Variants in PEBP4 observed in about 807,000 individuals in gnomAD.
PEBP4 encodes phosphatidylethanolamine binding protein 4.
In PEBP4, 22 loss-of-function variants were observed where a neutral mutation model predicts 23.9. That is an observed-to-expected ratio of 0.92 (90% CI 0.66 to 1.31). The LOEUF is 1.31. Among genes scored for constraint, PEBP4 ranks in the 40% most tolerant of loss-of-function variants. The pLI is 0.00. For missense variants in PEBP4, 324 were observed against 281.7 expected, an observed-to-expected ratio of 1.15 and a Z score of -1.07; for synonymous variants, 112 against 99.3, an observed-to-expected ratio of 1.13 and a Z score of -0.76.
At chr8:22,766,409 T>A (rs1215264302) in intron 4 of PEBP4, among the ~76,000 whole-genome samples, 6 of 152,226 alleles carry the variant, frequency 3.9e-5, no homozygotes, top group Non-Finnish European at 2.9e-5. Context: ...CTCTGTGCAC[T>A]GGCTTTCTCA....
chr8:22,763,265 A>G (rs976607690), intron 4 of PEBP4, among the ~76,000 whole-genome samples: 10 of 152,154 alleles, frequency 6.6e-5, no homozygotes, highest in African/African-American at 2.4e-4. Context: ...TCTGCCTCCC[A>G]AAGTGCTGGG....
At chr8:22,803,595 C>G (rs557863630) in intron 4 of PEBP4, among the ~76,000 whole-genome samples, 58 of 152,226 alleles carry the variant, frequency 3.8e-4, no homozygotes, top group Admixed American at 7.2e-4. Context: ...ACCCGGGAGG[C>G]AGGGGTTGCA....
chr8:22,905,051 G>A (rs924740030), intron 3 of PEBP4, among the ~76,000 whole-genome samples: 9 of 152,160 alleles, frequency 5.9e-5, no homozygotes, highest in African/African-American at 1.2e-4. Flanking sequence ...GACTTTGATA[G>A]GCATTATTGA....
At chr8:22,854,013 T>C (rs1563238047) in intron 3 of PEBP4, among the ~76,000 whole-genome samples, 1 of 152,138 alleles carries the variant, frequency 6.6e-6, no homozygotes, top group Non-Finnish European at 1.5e-5. Context: ...GAAATTCATA[T>C]AAGAGAAAAA....
intron 3 of PEBP4, among the ~76,000 whole-genome samples, chr8:22,851,836 G>C (rs118159051): frequency 6.6e-6 from 1 of 152,112 alleles, no homozygotes; most frequent in African/African-American, 2.4e-5. Flanking sequence ...ATTGAGTTAA[G>C]TGGAAAATGG....
At chr8:22,836,872 C>G (rs1287101202) in intron 3 of PEBP4, among the ~76,000 whole-genome samples, 1 of 151,216 alleles carries the variant, frequency 6.6e-6, no homozygotes, top group East Asian at 1.9e-4. Context: ...GAAGAGGAAA[C>G]TGATGGAAGA....
intron 4 of PEBP4, among the ~76,000 whole-genome samples, chr8:22,768,059 C>T (rs565107168): frequency 2.0e-5 from 3 of 152,134 alleles, no homozygotes; most frequent in Admixed American, 6.5e-5. Context: ...TGAAAAGTAC[C>T]TTGGAATTCC....
At chr8:22,774,435 G>T (rs749426566) in intron 4 of PEBP4, among the ~76,000 whole-genome samples, 25 of 152,208 alleles carry the variant, frequency 1.6e-4, no homozygotes, top group South Asian at 6.2e-4. Flanking sequence ...GATATTTTGT[G>T]GGGGAGAGGG....
chr8:22,843,027 C>G (rs750806240), intron 3 of PEBP4, among the ~76,000 whole-genome samples: 2 of 152,178 alleles, frequency 1.3e-5, no homozygotes, highest in Admixed American at 6.5e-5. Flanking sequence ...GGGGTTTCAC[C>G]ATGTTGGCCA....
intron 3 of PEBP4, among the ~76,000 whole-genome samples, chr8:22,919,263 C>G (rs1052113904): frequency 6.6e-6 from 1 of 152,170 alleles, no homozygotes; most frequent in African/African-American, 2.4e-5. Flanking sequence ...ACAGAAAGGA[C>G]CAGAAGGTCA....
intron 3 of PEBP4, among the ~76,000 whole-genome samples, chr8:22,855,798 T>C (rs772431951): frequency 6.6e-6 from 1 of 152,038 alleles, no homozygotes; most frequent in Non-Finnish European, 1.5e-5. Flanking sequence ...CCCAGCACTT[T>C]AGGAGGCCAA....
intron 3 of PEBP4, among the ~76,000 whole-genome samples, chr8:22,822,365 G>T (rs1335133943): frequency 6.6e-6 from 1 of 151,898 alleles, no homozygotes; most frequent in Non-Finnish European, 1.5e-5. Context: ...GTGTGTGTGT[G>T]TGTGTGTGTG....
chr8:22,874,155 G>T (rs1042689940), intron 3 of PEBP4, among the ~76,000 whole-genome samples: 1 of 152,134 alleles, frequency 6.6e-6, no homozygotes, highest in Admixed American at 6.5e-5. Flanking sequence ...GACTTGTGCA[G>T]CTCAAAAGCT....
At chr8:22,932,610 G>A (rs1179462335), upstream of PEBP4, among the ~76,000 whole-genome samples, 2 of 152,066 alleles carry the variant, frequency 1.3e-5, no homozygotes, top group Non-Finnish European at 2.9e-5. Flanking sequence ...AAAGGTTAGA[G>A]CAGCCAAGTA....
intron 2 of PEBP4, chr8:22,925,122 T>C (rs1477113373): frequency 1.0e-6 from 1 of 985,206 alleles, no homozygotes; most frequent in African/African-American, 1.7e-5. Context: ...CATTTTTCAT[T>C]TCATCATCAT....
chr8:22,747,432 G>A (rs911943156), intron 4 of PEBP4: 2 of 152,204 alleles, frequency 1.3e-5, no homozygotes, highest in Non-Finnish European at 2.9e-5. Flanking sequence ...GTGACCTTGG[G>A]CAAGTCACCA....
At chr8:22,732,634 T>TTGTGTGTG (rs61376190) in intron 4 of PEBP4, among the ~76,000 whole-genome samples, 7 of 149,232 alleles carry the variant, frequency 4.7e-5, no homozygotes, top group African/African-American at 1.8e-4. Context: ...CTGGCCCCAT[T>TTGTGTGTG]TGTGTGTGTG....
chr8:22,733,728 C>T (rs372423036), intron 4 of PEBP4, among the ~76,000 whole-genome samples: 23 of 150,900 alleles, frequency 1.5e-4, no homozygotes, highest in Non-Finnish European at 2.2e-4. Context: ...GTGCAAACCC[C>T]GGTCAGAGTG....
chr8:22,725,146 T>TG (rs1563195111), intron 5 of PEBP4, among the ~76,000 whole-genome samples, 190 bp from the exon 6 acceptor site: 1 of 149,520 alleles, frequency 6.7e-6, no homozygotes. Flanking sequence ...CATATTTTGG[T>TG]GGGGGTGAGA....
Sources: allele counts gnomAD v4.1 joint callset (sites outside exome capture counted in the v4.1 genomes callset), GRCh38; gene constraint gnomAD v4.1.1; transcripts MANE v1.5; gene names NCBI Gene and HGNC (gene_info 2026-07-23, HGNC 2026-07-21).